The following ATP2B2 variants were observed in gnomAD, a reference collection of about 807,000 sequenced individuals.
ATP2B2 encodes the protein plasma membrane calcium-transporting ATPase 2.
ATP2B2 carries 15 observed loss-of-function variants against 120.0 expected under a neutral mutation model. The observed-to-expected ratio is 0.12, with a 90% CI of 0.08 to 0.19. The LOEUF is 0.19. Among genes scored for constraint, ATP2B2 ranks in the 10% least tolerant of loss-of-function variants. ATP2B2 has a pLI of 1.00. For missense variants in ATP2B2, 1,045 were observed against 1,719.8 expected (o/e 0.61, Z 6.94); for synonymous variants, 694 against 700.3 (o/e 0.99, Z 0.14).
chr3:10,672,165 C>T (rs1159084265), intron 1 of ATP2B2, among the ~76,000 whole-genome samples: 2 of 152,150 alleles, frequency 1.3e-5, no homozygotes, highest in Non-Finnish European at 2.9e-5. Context: ...ATCACAGCCT[C>T]AGATTTCTGC....
intron 1 of ATP2B2, among the ~76,000 whole-genome samples, chr3:10,640,275 C>T (rs7356107): frequency 0.27 from 40,610 of 152,122 alleles, 9,316 homozygotes; most frequent in African/African-American, 0.62. Context: ...TGGGGAACTA[C>T]GTCAGAGGTC....
At chr3:10,468,551 ACT>A (rs1305929000) in intron 1 of ATP2B2, among the ~76,000 whole-genome samples, 1 of 152,094 alleles carries the variant, frequency 6.6e-6, no homozygotes, top group African/African-American at 2.4e-5. Context: ...ATAAATAATT[ACT>A]GTTATTTGAG....
intron 2 of ATP2B2, among the ~76,000 whole-genome samples, chr3:10,433,762 G>A (rs994594944): frequency 8.5e-5 from 13 of 152,148 alleles, no homozygotes; most frequent in Admixed American, 7.2e-4. Flanking sequence ...CACCCAGCAC[G>A]TCAGCTGATG....
chr3:10,651,439 A>T (rs1343168064), intron 1 of ATP2B2, among the ~76,000 whole-genome samples: 1 of 152,188 alleles, frequency 6.6e-6, no homozygotes, highest in Non-Finnish European at 1.5e-5. Context: ...TCCCTGCATA[A>T]GCTCTCTTCT....
chr3:10,455,890 T>G (rs2064239550), intron 1 of ATP2B2, among the ~76,000 whole-genome samples: 1 of 152,250 alleles, frequency 6.6e-6, no homozygotes, highest in South Asian at 2.1e-4. Flanking sequence ...GGATTAGTGC[T>G]CTCTGGAGTC....
At chr3:10,355,359 GAC>G (rs1339810511) in intron 14 of ATP2B2, among the ~76,000 whole-genome samples, 7 of 152,172 alleles carry the variant, frequency 4.6e-5, no homozygotes, top group African/African-American at 7.2e-5. Context: ...GCTGCTGTGA[GAC>G]AGTTTATGAC....
chr3:10,352,701 A>G (rs562892764), intron 14 of ATP2B2, among the ~76,000 whole-genome samples: 5 of 152,184 alleles, frequency 3.3e-5, no homozygotes, highest in Admixed American at 6.5e-5. Context: ...TCATTCTTAC[A>G]GGGCTGGAGG....
intron 2 of ATP2B2, among the ~76,000 whole-genome samples, chr3:10,572,234 T>A (rs981821285): frequency 6.6e-6 from 1 of 152,244 alleles, no homozygotes; most frequent in Non-Finnish European, 1.5e-5. Context: ...TTTACTGTTG[T>A]GTTACTGTAT....
chr3:10,596,433 T>C (rs1379311639), intron 2 of ATP2B2, among the ~76,000 whole-genome samples: 1 of 152,254 alleles, frequency 6.6e-6, no homozygotes, highest in African/African-American at 2.4e-5. Flanking sequence ...TCTCATGCAG[T>C]GACCACAAAT....
At chr3:10,422,603 T>C (rs748050280) in intron 2 of ATP2B2, among the ~76,000 whole-genome samples, 49 of 152,228 alleles carry the variant, frequency 3.2e-4, no homozygotes, top group Non-Finnish European at 4.1e-4. Context: ...TTCACAGTTA[T>C]GTGCTCATAG....
intron 2 of ATP2B2, among the ~76,000 whole-genome samples, chr3:10,537,977 T>A (rs1361474860): frequency 6.6e-6 from 1 of 152,240 alleles, no homozygotes; most frequent in Non-Finnish European, 1.5e-5. Flanking sequence ...CAACCCTGCA[T>A]CCCTTGAATA....
At chr3:10,616,571 T>C (rs1477476645) in intron 2 of ATP2B2, among the ~76,000 whole-genome samples, 1 of 152,236 alleles carries the variant, frequency 6.6e-6, no homozygotes, top group Admixed American at 6.5e-5. Context: ...AGGAAGACTA[T>C]GTGACATTGA....
At chr3:10,628,434 A>G (rs1033058199) in intron 1 of ATP2B2, among the ~76,000 whole-genome samples, 1 of 151,326 alleles carries the variant, frequency 6.6e-6, no homozygotes, top group Non-Finnish European at 1.5e-5. Flanking sequence ...ATTAACGTGC[A>G]GGGAAGAGAT....
At chr3:10,553,709 G>A (rs750423) in intron 2 of ATP2B2, among the ~76,000 whole-genome samples, 60,645 of 151,972 alleles carry the variant, frequency 0.4, 12,587 homozygotes, top group South Asian at 0.52. Flanking sequence ...GCAGCAGCTC[G>A]GAGTGGGTGG....
intron 1 of ATP2B2, among the ~76,000 whole-genome samples, chr3:10,702,754 G>A (rs1332813103): frequency 6.6e-6 from 1 of 152,164 alleles, no homozygotes; most frequent in Non-Finnish European, 1.5e-5. Flanking sequence ...ATCCTGCCTA[G>A]ATGTTATGTT....
At chr3:10,640,138 T>C (rs1429239734) in intron 1 of ATP2B2, among the ~76,000 whole-genome samples, 1 of 152,216 alleles carries the variant, frequency 6.6e-6, no homozygotes, top group Non-Finnish European at 1.5e-5. Context: ...CCCCTTGTAC[T>C]GACGAGGAGA....
At chr3:10,588,632 TGGA>T (rs2068570896) in intron 2 of ATP2B2, among the ~76,000 whole-genome samples, 1 of 152,170 alleles carries the variant, frequency 6.6e-6, no homozygotes, top group South Asian at 2.1e-4. Context: ...CATGGATCTC[TGGA>T]GGAAAGGATC....
chr3:10,632,615 C>A (rs1420342925), intron 1 of ATP2B2, among the ~76,000 whole-genome samples: 1 of 152,198 alleles, frequency 6.6e-6, no homozygotes, highest in East Asian at 1.9e-4. Context: ...GTTGGCAGGG[C>A]TTAGCATCGA....
intron 1 of ATP2B2, among the ~76,000 whole-genome samples, chr3:10,456,075 G>C (rs2064248178): frequency 6.6e-6 from 1 of 152,192 alleles, no homozygotes; most frequent in South Asian, 2.1e-4. Flanking sequence ...CCAGAAGGGA[G>C]GTTGGGAGAG....
Sources: allele counts gnomAD v4.1 joint callset (sites outside exome capture counted in the v4.1 genomes callset), GRCh38; gene constraint gnomAD v4.1.1; transcripts MANE v1.5; gene names NCBI Gene and HGNC (gene_info 2026-07-23, HGNC 2026-07-21).